ANKS6: variants seen among roughly 807,000 people sequenced by gnomAD.
The protein encoded by ANKS6 is ankyrin repeat and sterile alpha motif domain containing 6.
Under a neutral mutation model 77.9 loss-of-function variants are expected in ANKS6, and 47 were observed. That is an observed-to-expected ratio of 0.60 (90% CI 0.48 to 0.77). The LOEUF is 0.77. ANKS6 is among the 30% of genes least tolerant of loss of function. The pLI, the probability that ANKS6 is intolerant of heterozygous loss-of-function variation, is 0.00. For synonymous variants in ANKS6, 488 were observed against 501.7 expected (o/e 0.97, Z 0.37); for missense variants, 1,150 against 1,159.1 (o/e 0.99, Z 0.11).
chr9:98,775,311 G>A (rs1210596216), intron 8 of ANKS6, among the ~76,000 whole-genome samples: 5 of 152,198 alleles, frequency 3.3e-5, no homozygotes, highest in Admixed American at 2.6e-4. Flanking sequence ...TGGGGGAAAC[G>A]AAGGTATAAG....
chr9:98,760,213 C>G (rs1832938433), intron 11 of ANKS6, among the ~76,000 whole-genome samples: 1 of 152,180 alleles, frequency 6.6e-6, no homozygotes. Context: ...TACTACCCTC[C>G]AGGAGTCTCC....
intron 14 of ANKS6, among the ~76,000 whole-genome samples, chr9:98,739,753 T>G: frequency 1.1e-5 from 1 of 92,952 alleles, no homozygotes; most frequent in Non-Finnish European, 2.2e-5. Context: ...AGCAGTGGAT[T>G]AAACATTTTT....
Position 98,790,619 on chromosome 9 carries a change from T to C in ANKS6, c.360-13A>G. ...CACATGCCCAAATCTGCCAGGAAGATGGAGAATTAGTGACACTGAACACAC... is the reference window on the plus strand; with the variant it reads ...CACATGCCCAAATCTGCCAGGAAGACGGAGAATTAGTGACACTGAACACAC... On this transcript the variant is annotated splice_polypyrimidine_tract_variant and intron_variant, in intron 1 of 14. Coordinates refer to ENST00000353234, the MANE Select transcript of ANKS6 (RefSeq NM_173551.5). 6.3e-7 allele frequency: 1 copy of C among 1,592,004 alleles called. No homozygotes were observed. The highest frequency in any genetic ancestry group is 8.6e-7 in the Non-Finnish European group (1 of 1,163,440).
chr9:98,745,489 A>G (rs1832078031), intron 14 of ANKS6, 70 bp downstream of exon 14: 1 of 1,452,184 alleles, frequency 6.9e-7, no homozygotes, highest in Non-Finnish European at 9.7e-7. Flanking sequence ...AGACCTTCCC[A>G]AGATCCCAGG....
At chr9:98,780,145 A>AT (rs1267377187) in intron 6 of ANKS6, 44 bp downstream of exon 6, 1 of 1,606,996 alleles carries the variant, frequency 6.2e-7, no homozygotes, top group Admixed American at 1.7e-5. Context: ...GCCAGCCCCC[A>AT]TCTCCCTAGC....
intron 8 of ANKS6, among the ~76,000 whole-genome samples, chr9:98,774,751 A>G (rs1188170427): frequency 6.6e-6 from 1 of 152,018 alleles, no homozygotes; most frequent in African/African-American, 2.4e-5. Flanking sequence ...GGGGGTCAGT[A>G]TAAAATCTAC....
Position 98,778,440 on chromosome 9 carries a change from A to G in ANKS6, c.1369-16T>C. ...TCCACCAGGACTGCCAAAGGAACGC[A>G]GAGCAGAAGTCATGCTCCAGGAAGG... On this transcript the variant is annotated splice_polypyrimidine_tract_variant and intron_variant, in intron 6 of 14. Transcript: ENST00000353234. 1 of 1,612,178 alleles carries G rather than the reference A, an allele frequency of 6.2e-7. No homozygotes were observed. The highest frequency in any genetic ancestry group is 8.5e-7 in the Non-Finnish European group (1 of 1,178,964).
rs781002622 is a variant in ANKS6 at position 98,778,394 on chromosome 9, G to A, written c.1399C>T (p.Arg467Ter). The stretch of plus-strand genomic sequence containing the variant: ...AGCGTCTGCATCAGTTTGAGCTTTC[G>A]GAACCGATTGGACATTCGGTTCCAC... Reference protein sequence around the residue: ...SWWNRMSNRFRKLKLMQTLPR... With the variant: ...SWWNRMSNRF Residue 467 changes from arginine (R) to a stop codon, truncating the protein, a stop_gained, in exon 7 of 15, where the codon CGA (arginine) becomes TGA (stop). Transcript: ENST00000353234. LOFTEE classifies it high-confidence loss of function. 16 of 1,613,900 alleles carry A rather than the reference G, an allele frequency of 9.9e-6. No homozygotes were observed. Among genetic ancestry groups the A allele is most frequent in the Non-Finnish European group, 1.4e-5 (16 of 1,180,016 alleles).
At chr9:98,773,637 T>C (rs1366644344) in intron 9 of ANKS6, among the ~76,000 whole-genome samples, 2 of 152,202 alleles carry the variant, frequency 1.3e-5, no homozygotes, top group South Asian at 2.1e-4. Context: ...ACTGTGCTCC[T>C]TGGAGATCTA....
At chr9:98,758,138 G>T (rs536263582) in intron 11 of ANKS6, among the ~76,000 whole-genome samples, 1 of 152,122 alleles carries the variant, frequency 6.6e-6, no homozygotes, top group South Asian at 2.1e-4. Context: ...CTATAAGGAA[G>T]AGTTGTTCTT....
intron 13 of ANKS6, among the ~76,000 whole-genome samples, chr9:98,748,230 C>A (rs1348104880): frequency 6.6e-6 from 1 of 152,206 alleles, no homozygotes; most frequent in Non-Finnish European, 1.5e-5. Context: ...TCCATCTGCA[C>A]TGACCTTCCC....
intron 5 of ANKS6, 33 bp from the exon 6 acceptor site, chr9:98,780,370 AAT>A: frequency 1.3e-6 from 2 of 1,550,056 alleles, no homozygotes; most frequent in Non-Finnish European, 1.7e-6. Context: ...TTTACCTGCA[AAT>A]ATGTCTGTTG....
intron 5 of ANKS6, 148 bp downstream of exon 5, chr9:98,782,319 C>T: frequency 2.7e-6 from 2 of 727,934 alleles, no homozygotes; most frequent in South Asian, 1.9e-5. Context: ...TGCCTAAGAT[C>T]ATGCAGTAAG....
Position 98,734,377 on chromosome 9 carries a change from C to T in ANKS6, c.*2142G>A. On this transcript the variant is annotated 3_prime_UTR_variant, in exon 15 of 15. Transcript: ENST00000353234. ...GTGTATCATTGTTCAATCAAACTTA[C>T]CTGAGTGGAAGCTATACCAGTATAT... 1.0e-6 allele frequency: 1 copy of T among 985,422 alleles called. No individual in the cohort carries two copies. 61.0% of individuals were successfully genotyped at this position (985,422 alleles called of 1,614,324 possible).
rs1360442974 is a variant in ANKS6, at chr9:98,735,533, C to CAA, written c.*984_*985dup. 32 of 1,229,974 alleles carry CAA rather than the reference C, an allele frequency of 2.6e-5. No homozygotes were observed. The highest frequency in any genetic ancestry group is 4.7e-5 in the African/African-American group (3 of 64,382). 76.2% of individuals were successfully genotyped at this position (1,229,974 alleles called of 1,614,324 possible). A position where few individuals can be genotyped will look rare whatever the true frequency, so the allele number is the denominator to read the frequency against. ...CATTAATAGGATGTAGACAAAATTC[C>CAA]AAATTTTCACTTCTTTGCCTAGAAA... On this transcript the variant is annotated 3_prime_UTR_variant, in exon 15 of 15. Transcript: ENST00000353234.
At chr9:98,787,581 C>G (rs1212442242) in intron 2 of ANKS6, among the ~76,000 whole-genome samples, 1 of 152,140 alleles carries the variant, frequency 6.6e-6, no homozygotes, top group Non-Finnish European at 1.5e-5. Context: ...TGTAAAGTAT[C>G]GGAATGAATG....
intron 10 of ANKS6, among the ~76,000 whole-genome samples, chr9:98,768,451 C>T (rs898065115): frequency 6.6e-6 from 1 of 152,118 alleles, no homozygotes; most frequent in East Asian, 1.9e-4. Context: ...CTCTGTGCTG[C>T]GAAGGCGTAA....
At chr9:98,774,591 T>C (rs1057490303) in intron 8 of ANKS6, among the ~76,000 whole-genome samples, 49 of 152,174 alleles carry the variant, frequency 3.2e-4, no homozygotes, top group African/African-American at 1.0e-3. Context: ...TGAGCAGCCA[T>C]TGGGAGTGAA....
At chr9:98,762,373 C>A (rs1036818931) in intron 11 of ANKS6, among the ~76,000 whole-genome samples, 30 of 152,128 alleles carry the variant, frequency 2.0e-4, no homozygotes, top group African/African-American at 6.5e-4. Flanking sequence ...CATCTAAGAA[C>A]AGATATAGTT....
Sources: allele counts gnomAD v4.1 joint callset (sites outside exome capture counted in the v4.1 genomes callset), GRCh38; gene constraint gnomAD v4.1.1; transcripts MANE v1.5; gene names NCBI Gene and HGNC (gene_info 2026-07-23, HGNC 2026-07-21).